Variants in ATPAF1 observed in about 807,000 individuals in gnomAD.
ATPAF1 encodes homolog of yeast ATP11.
ATPAF1 carries 26 observed loss-of-function variants against 43.9 expected under a neutral mutation model. That is an observed-to-expected ratio of 0.59 (90% confidence interval 0.43 to 0.82). The LOEUF (loss-of-function observed/expected upper bound fraction) is 0.82, where lower values mean the gene tolerates loss of function less well. Ranked by LOEUF, ATPAF1 falls within the 40% of genes least tolerant of loss-of-function variation. The pLI is 0.00. For synonymous variants in ATPAF1, 157 were observed against 168.0 expected (o/e 0.93, Z 0.50); for missense variants, 366 against 435.0 (o/e 0.84, Z 1.41).
At chr1:46,643,073 ATAAG>A (rs1304714419) in intron 8 of ATPAF1, 117 bp downstream of exon 8, 2 of 770,806 alleles carry the variant, frequency 2.6e-6, no homozygotes, top group African/African-American at 3.6e-5. Flanking sequence ...CAACTTTAAA[ATAAG>A]TAAGAAACAA....
At chr1:46,640,206 T>A (rs1368293252) in intron 8 of ATPAF1, among the ~76,000 whole-genome samples, 1 of 152,196 alleles carries the variant, frequency 6.6e-6, no homozygotes, top group Non-Finnish European at 1.5e-5. Flanking sequence ...CTTCAGGCCA[T>A]AGATAATATG....
exon 9 of ATPAF1, chr1:46,635,751 A>G (rs746099891): frequency 1.3e-6 from 2 of 1,595,110 alleles, no homozygotes; most frequent in Admixed American, 3.4e-5. Flanking sequence ...TGAGTCAACT[A>G]GGTGAAGGGC....
chr1:46,653,710 T>C lies in ATPAF1; in HGVS notation c.540+107A>G, dbSNP rs1346608311. The C allele has an allele frequency of 9.8e-6, 10 of 1,019,922 alleles. No individual in the cohort carries two copies. The South Asian group carries it at 1.0e-4, about 10-fold the overall frequency. The allele number at this position is 1,019,922 out of a possible 1,614,324, so 63.2% of individuals were successfully genotyped here. A position where few individuals can be genotyped will look rare whatever the true frequency, so the allele number is the denominator to read the frequency against. Reference sequence around the variant, plus strand: ...AACTCTCAGGGCTGTAAAATGCAGCTTCTCAAGAGGCAATAAACATAGGAA... The same window carrying C: ...AACTCTCAGGGCTGTAAAATGCAGCCTCTCAAGAGGCAATAAACATAGGAA... On this transcript the variant is annotated intron_variant, in intron 5 of 8. Coordinates refer to ENST00000574428, the Ensembl canonical transcript of ATPAF1. This position sits in a 1 kb window ranked among gnomAD's most constrained non-coding sequence, Gnocchi z 4.8.
intron 2 of ATPAF1, among the ~76,000 whole-genome samples, chr1:46,663,428 A>C (rs892006384): frequency 3.3e-5 from 5 of 152,182 alleles, no homozygotes; most frequent in South Asian, 2.1e-4. Flanking sequence ...ATTTCTCCAC[A>C]TCCTCTCCAG....
intron 2 of ATPAF1, chr1:46,663,983 G>A: frequency 1.9e-6 from 2 of 1,051,142 alleles, no homozygotes; most frequent in Non-Finnish European, 2.5e-6. Flanking sequence ...TGTGATCAGA[G>A]TTTTTTAAAA....
intron 2 of ATPAF1, among the ~76,000 whole-genome samples, chr1:46,660,084 C>T (rs764465255): frequency 2.0e-5 from 3 of 151,478 alleles, no homozygotes; most frequent in Admixed American, 6.6e-5. Context: ...TCAAGTGATT[C>T]TCCCACCTCA....
At chr1:46,659,665 T>G (rs186209251) in intron 2 of ATPAF1, among the ~76,000 whole-genome samples, 3 of 152,314 alleles carry the variant, frequency 2.0e-5, no homozygotes, top group Non-Finnish European at 4.4e-5. Context: ...TTGAGTAGTT[T>G]CTGGTAGTAG....
chr1:46,660,268 T>C (rs1018454974), intron 2 of ATPAF1, among the ~76,000 whole-genome samples: 3 of 152,122 alleles, frequency 2.0e-5, no homozygotes, highest in Non-Finnish European at 4.4e-5. Context: ...TGAGCCACTG[T>C]GCCTGATGAG....
At chr1:46,635,376 C>T in exon 9 of ATPAF1, 1 of 174,250 alleles carries the variant, frequency 5.7e-6, no homozygotes, top group Admixed American at 5.5e-5. Flanking sequence ...CTAACTACAG[C>T]AGGTCTTCAA....
At position 46,663,009 on chromosome 1, in the gene ATPAF1, A is replaced by C. The variant is rs562198587; in HGVS notation, c.375+2247T>G. Among the ~76,000 whole-genome samples the C allele has an allele frequency of 4.2e-3, 639 of 151,362 alleles. 1 individual carries two copies. Among genetic ancestry groups the C allele is most frequent in the African/African-American group, 0.014 (587 of 41,144 alleles). On this transcript the variant is annotated intron_variant, in intron 2 of 8. Transcript: ENST00000574428. The stretch of plus-strand genomic sequence containing the variant: ...CATGTGTTCTCATTGTTCGATTCCC[A>C]CCCATGAGTGAGAACATGCAGTGTT...
At position 46,668,323 on chromosome 1, in the gene ATPAF1, G is replaced by A. The variant is rs763242877; in HGVS notation, c.-1C>T. The stretch of plus-strand genomic sequence containing the variant: ...CAGCCGCCACCACCACAGCAGCCAT[G>A]GCCGCCCCCGCCTCCTCCTCCTCCT... On this transcript the variant is annotated 5_prime_UTR_variant, in exon 1 of 9. Transcript: ENST00000574428. The surrounding 1 kb of genome is among the most constrained non-coding windows in gnomAD (Gnocchi z 4.4). The A allele has an allele frequency of 3.7e-6, 5 of 1,362,968 alleles. No individual in the cohort carries two copies. The highest frequency in any genetic ancestry group is 4.7e-6 in the Non-Finnish European group (5 of 1,053,502). The allele number at this position is 1,362,968 out of a possible 1,614,324, so 84.4% of individuals were successfully genotyped here.
At chr1:46,659,988 T>C (rs945635556) in intron 2 of ATPAF1, among the ~76,000 whole-genome samples, 2 of 151,786 alleles carry the variant, frequency 1.3e-5, no homozygotes, top group African/African-American at 4.8e-5. Flanking sequence ...TCTTTTTTTT[T>C]TTTTTTGAGA....
chr1:46,668,123 G>GCCCCGA lies in ATPAF1; in HGVS notation c.194_199dup (p.Val65_Gly66dup), dbSNP rs1278408121. 3.5e-6 allele frequency: 5 copies of GCCCCGA among 1,430,796 alleles called. No individual in the cohort carries two copies. Among genetic ancestry groups the GCCCCGA allele is most frequent in the Non-Finnish European group, 4.6e-6 (5 of 1,091,454 alleles). 88.6% of individuals were successfully genotyped at this position (1,430,796 alleles called of 1,614,324 possible). A position where few individuals can be genotyped will look rare whatever the true frequency, so the allele number is the denominator to read the frequency against. On this transcript the variant is annotated inframe_insertion, in exon 1 of 9. Coordinates refer to ENST00000574428, the Ensembl canonical transcript of ATPAF1. The surrounding 1 kb of genome is among the most constrained non-coding windows in gnomAD (Gnocchi z 4.4). Reference sequence around the variant, plus strand: ...AGGGTTGGCCTGGAGCTCGGCCTCGGCCCCGACCCCGCTGCTGTCGGCGCC... The same window carrying GCCCCGA: ...AGGGTTGGCCTGGAGCTCGGCCTCGGCCCCGACCCCGACCCCGCTGCTGTCGGCGCC...
At chr1:46,654,395 A>C (rs1676225140) in intron 4 of ATPAF1, among the ~76,000 whole-genome samples, 1 of 152,176 alleles carries the variant, frequency 6.6e-6, no homozygotes, top group Non-Finnish European at 1.5e-5. Context: ...GAAATAATGT[A>C]GGTCTGTGCT....
Position 46,653,974 on chromosome 1 carries a change from C to A in ATPAF1, c.490-107G>T. 3 of 1,026,620 alleles carry A rather than the reference C, an allele frequency of 2.9e-6. No homozygotes were observed. The highest frequency in any genetic ancestry group is 1.6e-5 in the South Asian group (1 of 63,328). The allele number at this position is 1,026,620 out of a possible 1,614,324, so 63.6% of individuals were successfully genotyped here. Reference sequence around the variant, plus strand: ...CTCAGAGGAATATGCTATTTGATAACAGAGAGGAAAAACCCAGTATAACGC... The same window carrying A: ...CTCAGAGGAATATGCTATTTGATAAAAGAGAGGAAAAACCCAGTATAACGC... On this transcript the variant is annotated intron_variant, in intron 4 of 8. Coordinates refer to ENST00000574428, the Ensembl canonical transcript of ATPAF1. This position sits in a 1 kb window ranked among gnomAD's most constrained non-coding sequence, Gnocchi z 4.8.
At position 46,636,859 on chromosome 1, in the gene ATPAF1, A is replaced by G. The variant is rs528736749; in HGVS notation, c.793-889T>C. Reference sequence around the variant, plus strand: ...GGGAAAAGTCAGTTGCCATGTAGTGAGGACATTCATGCAGCCCTATGGAGA... The same window carrying G: ...GGGAAAAGTCAGTTGCCATGTAGTGGGGACATTCATGCAGCCCTATGGAGA... On this transcript the variant is annotated intron_variant, in intron 8 of 8. Coordinates refer to ENST00000574428, the Ensembl canonical transcript of ATPAF1. Among the ~76,000 whole-genome samples the G allele has an allele frequency of 6.8e-4, 104 of 152,328 alleles. 1 individual carries two copies. The highest frequency in any genetic ancestry group is 6.8e-3 in the Middle Eastern group (2 of 294).
At chr1:46,655,849 A>G (rs1157782437) in intron 4 of ATPAF1, among the ~76,000 whole-genome samples, 1 of 151,874 alleles carries the variant, frequency 6.6e-6, no homozygotes, top group African/African-American at 2.4e-5. Context: ...TATTTTATTT[A>G]TTTCCTCCCC....
chr1:46,640,375 C>T lies in ATPAF1; in HGVS notation c.792+2819G>A, dbSNP rs762745024. On this transcript the variant is annotated intron_variant, in intron 8 of 8. Coordinates refer to ENST00000574428, the Ensembl canonical transcript of ATPAF1. Reference sequence around the variant, plus strand: ...CTGTAATCCCAGCACTCTGGAAGGCCGAGGTGGGTCGATTACCTGAGGTCA... The same window carrying T: ...CTGTAATCCCAGCACTCTGGAAGGCTGAGGTGGGTCGATTACCTGAGGTCA... Among the ~76,000 whole-genome samples, 67 of 152,200 alleles carry T rather than the reference C, an allele frequency of 4.4e-4. No homozygotes were observed. In the Middle Eastern group the frequency reaches 0.01, roughly 23 times the overall value.
At chr1:46,637,743 T>C (rs75986885) in intron 8 of ATPAF1, among the ~76,000 whole-genome samples, 1,999 of 152,232 alleles carry the variant, frequency 0.013, 38 homozygotes, top group African/African-American at 0.046. Context: ...TCAAAAACCT[T>C]TTCCCAAAAA....
Sources: allele counts gnomAD v4.1 joint callset (sites outside exome capture counted in the v4.1 genomes callset), GRCh38; gene constraint gnomAD v4.1.1; non-coding constraint Gnocchi (gnomAD v3.1); transcripts MANE v1.5; gene names NCBI Gene and HGNC (gene_info 2026-07-23, HGNC 2026-07-21).